The following IQGAP2 variants were observed in gnomAD, a reference collection of about 807,000 sequenced individuals.
IQGAP2 encodes the protein ras GTPase-activating-like protein IQGAP2.
A neutral mutation model predicts 201.3 loss-of-function variants in IQGAP2; 173 were observed. That is an observed-to-expected ratio of 0.86 (90% CI 0.76 to 0.98). The LOEUF is 0.98. Among genes scored for constraint, IQGAP2 ranks in the 50% least tolerant of loss-of-function variants. The pLI is 0.00. For synonymous variants in IQGAP2, 675 were observed against 673.9 expected (o/e 1.00, Z -0.03); for missense variants, 1,687 against 1,864.8 (o/e 0.90, Z 1.76).
intron 35 of IQGAP2, among the ~76,000 whole-genome samples, chr5:76,704,143 A>T (rs1297032089): frequency 6.6e-6 from 1 of 152,250 alleles, no homozygotes; most frequent in African/African-American, 2.4e-5. Context: ...ATGTCACTAA[A>T]TGTATCCATT....
intron 3 of IQGAP2, among the ~76,000 whole-genome samples, chr5:76,563,712 AT>A (rs57351968): frequency 6.6e-6 from 1 of 151,968 alleles, no homozygotes; most frequent in Non-Finnish European, 1.5e-5. Context: ...CTTGATCTTT[AT>A]TTTTTTAATG....
At position 76,596,535 on chromosome 5, in the gene IQGAP2, A is replaced by T. The variant is rs184257899; in HGVS notation, c.908-904A>T. Among the ~76,000 whole-genome samples the T allele has an allele frequency of 3.1e-3, 466 of 152,344 alleles. 1 individual carries two copies. The highest frequency in any genetic ancestry group is 0.011 in the African/African-American group (442 of 41,580). ...TGTATTAGTCCATTCTCACACTGCT[A>T]TAAAGAACTGCTTGAGACTGGGTAA... On this transcript the variant is annotated intron_variant, in intron 9 of 35. Coordinates refer to ENST00000274364, the MANE Select transcript of IQGAP2 (RefSeq NM_006633.5).
chr5:76,469,308 G>A (rs1309403852), intron 2 of IQGAP2, among the ~76,000 whole-genome samples: 1 of 152,182 alleles, frequency 6.6e-6, no homozygotes, highest in Non-Finnish European at 1.5e-5. Context: ...GAGGAAGCCT[G>A]TGTATTAGGA....
chr5:76,559,143 C>T (rs954192126), intron 2 of IQGAP2, among the ~76,000 whole-genome samples: 2 of 152,130 alleles, frequency 1.3e-5, no homozygotes, highest in African/African-American at 4.8e-5. Context: ...CCTCGTGATC[C>T]GCCCGCCTCA....
intron 13 of IQGAP2, among the ~76,000 whole-genome samples, chr5:76,621,209 C>T (rs765519970): frequency 4.1e-4 from 62 of 152,218 alleles, no homozygotes; most frequent in Admixed American, 1.3e-3. Flanking sequence ...CAGTTAGCTC[C>T]CGGGTGAAAT....
At position 76,611,099 on chromosome 5, in the gene IQGAP2, T is replaced by C; in HGVS notation, c.1437T>C (p.Pro479=). 6.2e-7 allele frequency: 1 copy of C among 1,613,966 alleles called. No individual in the cohort carries two copies. Among genetic ancestry groups the C allele is most frequent in the Non-Finnish European group, 8.5e-7 (1 of 1,179,808 alleles). The stretch of plus-strand genomic sequence containing the variant: ...GGACTTTAGAAACTTTGCTCCTACC[T>C]ACTGCGAATATTAGTGATGTGGACC... ...PLRTLETLLL[P]TANISDVDPA... Residue 479 remains proline, a synonymous_variant, in exon 13 of 36, where the codon CCT becomes CCC. Transcript: ENST00000274364.
At chr5:76,673,691 T>C in intron 25 of IQGAP2, 102 bp downstream of exon 25, 1 of 1,210,672 alleles carries the variant, frequency 8.3e-7, no homozygotes, top group South Asian at 1.4e-5. Context: ...TTCCCTTATA[T>C]TGTGTTTACT....
rs960195533 is a variant in IQGAP2 at position 76,530,110 on chromosome 5, G to C, written c.147-32286G>C. 6.6e-5 allele frequency among the ~76,000 whole-genome samples: 10 copies of C among 152,272 alleles called. No individual in the cohort carries two copies. The East Asian group carries it at 1.7e-3, about 26-fold the overall frequency. On this transcript the variant is annotated intron_variant, in intron 2 of 35. Coordinates refer to ENST00000274364, the MANE Select transcript of IQGAP2 (RefSeq NM_006633.5). ...TGGTTTTGTGGGCTGTGTGGACTCT[G>C]TCCTTATAGTTTGAAAGCAGCCATA...
At chr5:76,519,165 T>C (rs190149643) in intron 2 of IQGAP2, among the ~76,000 whole-genome samples, 9 of 152,332 alleles carry the variant, frequency 5.9e-5, no homozygotes, top group Non-Finnish European at 2.9e-5. Context: ...ACACTAAGGA[T>C]ACTAAACTGC....
intron 2 of IQGAP2, among the ~76,000 whole-genome samples, chr5:76,535,093 G>A (rs1186909022): frequency 6.6e-6 from 1 of 152,166 alleles, no homozygotes; most frequent in Non-Finnish European, 1.5e-5. Context: ...GGTCAGGGCT[G>A]GACCTCAGGG....
chr5:76,689,333 A>G (rs1403482802), intron 30 of IQGAP2, among the ~76,000 whole-genome samples: 2 of 150,236 alleles, frequency 1.3e-5, no homozygotes, highest in Non-Finnish European at 3.0e-5. Flanking sequence ...TCTATCACTT[A>G]TTAACCATGG....
chr5:76,698,832 G>A (rs13188565), intron 33 of IQGAP2, among the ~76,000 whole-genome samples: 49,901 of 151,964 alleles, frequency 0.33, 8,331 homozygotes, highest in Non-Finnish European at 0.35. Flanking sequence ...GGAAAAATCT[G>A]TTGCATTAAT....
At chr5:76,574,189 C>A (rs1745313901) in intron 4 of IQGAP2, among the ~76,000 whole-genome samples, 1 of 152,086 alleles carries the variant, frequency 6.6e-6, no homozygotes, top group African/African-American at 2.4e-5. Context: ...TAAATAATGT[C>A]TAAATGATTA....
intron 2 of IQGAP2, among the ~76,000 whole-genome samples, chr5:76,464,118 A>T (rs138436196): frequency 6.6e-4 from 101 of 152,286 alleles, no homozygotes; most frequent in African/African-American, 2.4e-3. Flanking sequence ...AAGTGCTGGG[A>T]TGACAGGCGT....
At chr5:76,485,186 A>G (rs777296946) in intron 2 of IQGAP2, among the ~76,000 whole-genome samples, 2 of 152,158 alleles carry the variant, frequency 1.3e-5, no homozygotes, top group Non-Finnish European at 1.5e-5. Flanking sequence ...GAATGGGCAC[A>G]GAGGGAAGAG....
intron 2 of IQGAP2, among the ~76,000 whole-genome samples, chr5:76,511,686 GTT>G (rs70982618): frequency 7.1e-6 from 1 of 141,328 alleles, no homozygotes. Context: ...GTTTTGTTTT[GTT>G]TTTTTTTTTT....
At chr5:76,438,043 T>TTG (rs1554055762) in intron 1 of IQGAP2, among the ~76,000 whole-genome samples, 59 of 131,804 alleles carry the variant, frequency 4.5e-4, no homozygotes, top group South Asian at 1.1e-3. Context: ...TTGTTTTTTT[T>TTG]TTTGTTTTTT....
At chr5:76,687,620 A>G (rs954866496) in intron 30 of IQGAP2, among the ~76,000 whole-genome samples, 3 of 152,182 alleles carry the variant, frequency 2.0e-5, no homozygotes, top group Admixed American at 2.0e-4. Flanking sequence ...CATTGCTGGC[A>G]TTAACACCTG....
intron 1 of IQGAP2, among the ~76,000 whole-genome samples, chr5:76,442,288 G>C (rs1262863846): frequency 6.6e-6 from 1 of 152,060 alleles, no homozygotes; most frequent in Non-Finnish European, 1.5e-5. Context: ...AAAACCTATG[G>C]TATGATTTAT....
Sources: allele counts gnomAD v4.1 joint callset (sites outside exome capture counted in the v4.1 genomes callset), GRCh38; gene constraint gnomAD v4.1.1; transcripts MANE v1.5; gene names NCBI Gene and HGNC (gene_info 2026-07-23, HGNC 2026-07-21).